The following GRM1 variants were observed in gnomAD, a reference collection of about 807,000 sequenced individuals.
GRM1 encodes metabotropic glutamate receptor 1.
GRM1 carries 33 observed loss-of-function variants against 90.9 expected under a neutral mutation model. The observed-to-expected ratio is 0.36, with a 90% CI of 0.28 to 0.49. The LOEUF is 0.49. GRM1 is among the 20% of genes least tolerant of loss of function. The pLI, the probability that GRM1 is intolerant of heterozygous loss-of-function variation, is 0.99. For synonymous variants in GRM1, 700 were observed against 613.2 expected (o/e 1.14, Z -2.09); for missense variants, 1,190 against 1,534.3 (o/e 0.78, Z 3.75).
At chr6:146,143,771 T>G (rs1024845389) in intron 1 of GRM1, among the ~76,000 whole-genome samples, 51 of 152,134 alleles carry the variant, frequency 3.4e-4, no homozygotes, top group African/African-American at 1.2e-3. Flanking sequence ...ATATGAAAAA[T>G]GTTTTGACAT....
At chr6:146,325,445 T>C (rs1325490114) in intron 3 of GRM1, among the ~76,000 whole-genome samples, 1 of 152,202 alleles carries the variant, frequency 6.6e-6, no homozygotes, top group Non-Finnish European at 1.5e-5. Flanking sequence ...GTTATTATGA[T>C]ATAGTACAAA....
At chr6:146,361,776 C>T (rs1460998753) in intron 5 of GRM1, among the ~76,000 whole-genome samples, 1 of 152,242 alleles carries the variant, frequency 6.6e-6, no homozygotes, top group Non-Finnish European at 1.5e-5. Context: ...CAGCTCAAAG[C>T]TGTTATCATC....
At chr6:146,219,360 T>A (rs1177203383) in intron 2 of GRM1, among the ~76,000 whole-genome samples, 6 of 151,966 alleles carry the variant, frequency 3.9e-5, no homozygotes, top group Non-Finnish European at 8.8e-5. Context: ...TACTTTGGAG[T>A]CTTGGGTAGA....
intron 2 of GRM1, among the ~76,000 whole-genome samples, chr6:146,203,466 TTCTC>T (rs1779391195): frequency 6.6e-6 from 1 of 152,174 alleles, no homozygotes; most frequent in Non-Finnish European, 1.5e-5. Context: ...GCACATCTCT[TTCTC>T]TTAGATTCAT....
intron 6 of GRM1, among the ~76,000 whole-genome samples, chr6:146,396,069 C>CATCTATCTATCTATCTATCT (rs3065122): frequency 1.7e-3 from 234 of 136,226 alleles, no homozygotes; most frequent in Non-Finnish European, 2.4e-3. Flanking sequence ...ACCTATCCAT[C>CATCTATCTATCTATCTATCT]ATCTATCTAT....
intron 3 of GRM1, among the ~76,000 whole-genome samples, chr6:146,321,290 GT>G (rs1215743061): frequency 2.6e-5 from 4 of 152,174 alleles, no homozygotes; most frequent in Admixed American, 6.5e-5. Flanking sequence ...TTTTGAGTGA[GT>G]TTTTTAATCC....
chr6:146,107,526 T>C (rs1775358188), intron 1 of GRM1, among the ~76,000 whole-genome samples: 1 of 152,110 alleles, frequency 6.6e-6, no homozygotes, highest in African/African-American at 2.4e-5. Context: ...TACTGGAGAC[T>C]TCACCCCTTC....
chr6:146,276,743 A>G (rs377440826), intron 2 of GRM1, among the ~76,000 whole-genome samples: 1 of 152,294 alleles, frequency 6.6e-6, no homozygotes, highest in East Asian at 1.9e-4. Flanking sequence ...ATAATTACTT[A>G]CTAATTACTT....
chr6:146,317,671 T>G (rs1386643794), intron 3 of GRM1, among the ~76,000 whole-genome samples: 1 of 152,240 alleles, frequency 6.6e-6, no homozygotes, highest in African/African-American at 2.4e-5. Flanking sequence ...TAAAACTCCC[T>G]TATGTTTTCT....
At chr6:146,418,883 C>T (rs1366969225) in intron 7 of GRM1, among the ~76,000 whole-genome samples, 5 of 151,918 alleles carry the variant, frequency 3.3e-5, no homozygotes, top group Admixed American at 1.3e-4. Flanking sequence ...AAGTAATGTT[C>T]GCATGAGAAA....
intron 1 of GRM1, among the ~76,000 whole-genome samples, chr6:146,038,163 G>T (rs903490688): frequency 6.6e-6 from 1 of 151,938 alleles, no homozygotes; most frequent in African/African-American, 2.4e-5. Context: ...TTGTTAAAAT[G>T]AAAGAAGAAA....
chr6:146,318,840 G>C lies in GRM1; in HGVS notation c.1186+13994G>C, dbSNP rs144126262. ...TGTTCATATCTTTCACCCACTTTTT[G>C]ATGGGGTTGTTTTTTTCTTGTAAAT... On this transcript the variant is annotated intron_variant, in intron 3 of 7. Coordinates refer to ENST00000282753, the MANE Select transcript of GRM1 (RefSeq NM_001278064.2). Among the ~76,000 whole-genome samples, 1,356 of 152,194 alleles carry C rather than the reference G, an allele frequency of 8.9e-3. 19 individuals carry two copies. The highest frequency in any genetic ancestry group is 0.03 in the African/African-American group (1,250 of 41,528).
intron 1 of GRM1, among the ~76,000 whole-genome samples, chr6:146,058,716 G>A (rs1209199138): frequency 6.6e-6 from 1 of 152,134 alleles, no homozygotes; most frequent in South Asian, 2.1e-4. Flanking sequence ...CAAAATTGGA[G>A]TCAATCCTCT....
chr6:146,160,063 CT>C (rs1777668415), intron 2 of GRM1, among the ~76,000 whole-genome samples: 1 of 151,456 alleles, frequency 6.6e-6, no homozygotes, highest in South Asian at 2.1e-4. Context: ...GTTTCACTTG[CT>C]TTCTCCACAC....
At chr6:146,031,160 T>G (rs1790693146) in intron 1 of GRM1, among the ~76,000 whole-genome samples, 1 of 152,194 alleles carries the variant, frequency 6.6e-6, no homozygotes. Flanking sequence ...CTAGACTCTC[T>G]TCACCTTAGG....
At chr6:146,415,070 T>C (rs1245620754) in intron 7 of GRM1, among the ~76,000 whole-genome samples, 6 of 152,230 alleles carry the variant, frequency 3.9e-5, no homozygotes, top group African/African-American at 1.4e-4. Flanking sequence ...AAGCCATCCA[T>C]AGACTGGGTG....
At chr6:146,078,438 A>G (rs1776259802) in intron 1 of GRM1, among the ~76,000 whole-genome samples, 1 of 152,220 alleles carries the variant, frequency 6.6e-6, no homozygotes, top group Admixed American at 6.5e-5. Flanking sequence ...GCTGTTCAGC[A>G]CAAGTGCTAG....
intron 3 of GRM1, among the ~76,000 whole-genome samples, chr6:146,329,280 T>G (rs1489035365): frequency 6.6e-6 from 1 of 152,184 alleles, no homozygotes; most frequent in African/African-American, 2.4e-5. Flanking sequence ...GGCATAGATC[T>G]CTCACTGCCT....
chr6:146,373,876 G>A (rs1775994859), intron 5 of GRM1, among the ~76,000 whole-genome samples: 2 of 152,056 alleles, frequency 1.3e-5, no homozygotes, highest in Non-Finnish European at 2.9e-5. Flanking sequence ...CCAGACTGCT[G>A]TAGTGAATAC....
Sources: gnomAD v4.1 joint callset for allele counts (sites outside exome capture counted in the v4.1 genomes callset) on GRCh38, gnomAD v4.1.1 for gene constraint, MANE v1.5 for transcripts, NCBI Gene and HGNC (gene_info 2026-07-23, HGNC 2026-07-21) for gene names.